The following ASAP1 variants were observed in gnomAD, a reference collection of about 807,000 sequenced individuals.
ASAP1 encodes the protein ArfGAP with SH3 domain, ankyrin repeat and PH domain 1.
ASAP1 carries 43 observed loss-of-function variants against 145.2 expected under a neutral mutation model. The ratio of observed to expected loss-of-function variants is 0.30; its 90% CI spans 0.23 to 0.38. The LOEUF (loss-of-function observed/expected upper bound fraction) is 0.38. Among genes scored for constraint, ASAP1 ranks in the 10% least tolerant of loss-of-function variants. ASAP1 has a pLI of 1.00. For synonymous variants in ASAP1, 546 were observed against 515.5 expected (o/e 1.06, Z -0.80); for missense variants, 1,018 against 1,355.3 (o/e 0.75, Z 3.91).
intron 3 of ASAP1, among the ~76,000 whole-genome samples, chr8:130,241,865 T>C (rs1277800156): frequency 6.6e-6 from 1 of 152,156 alleles, no homozygotes; most frequent in Admixed American, 6.6e-5. Context: ...ATTTTAGAAT[T>C]ACTTTCTAAA....
At chr8:130,088,759 C>G (rs1473227501) in intron 25 of ASAP1, among the ~76,000 whole-genome samples, 3 of 152,188 alleles carry the variant, frequency 2.0e-5, no homozygotes, top group Non-Finnish European at 4.4e-5. Flanking sequence ...AAATGCTAGG[C>G]TGAGAATAAT....
chr8:130,084,759 T>C lies in ASAP1; in HGVS notation c.2573-4788A>G, dbSNP rs373243909. 9 of 151,872 alleles carry C rather than the reference T, an allele frequency of 5.9e-5. No homozygotes were observed. The East Asian group carries it at 1.7e-3, about 29-fold the overall frequency. The allele number at this position is 151,872 out of a possible 1,614,324, so 9.4% of individuals were successfully genotyped here. On this transcript the variant is annotated intron_variant, in intron 25 of 29. Transcript: ENST00000518721. ...CAATGACAGTCCCACTTCCAATAAG[T>C]AGATATGTAATAAAACAAACAAACA... is the stretch of plus-strand genomic sequence containing the variant.
At chr8:130,059,566 T>A (rs547770063) in intron 28 of ASAP1, among the ~76,000 whole-genome samples, 39 of 152,180 alleles carry the variant, frequency 2.6e-4, no homozygotes, top group African/African-American at 9.4e-4. Flanking sequence ...AGCGATCCAC[T>A]CGCCTCTTCC....
intron 13 of ASAP1, among the ~76,000 whole-genome samples, chr8:130,142,220 C>T (rs756266190): frequency 2.0e-5 from 3 of 152,180 alleles, no homozygotes; most frequent in African/African-American, 7.2e-5. Context: ...TTCTCTTCTG[C>T]GGTCACTCTG....
chr8:130,091,877 GCA>G, intron 25 of ASAP1, 94 bp downstream of exon 25: 1 of 1,319,564 alleles, frequency 7.6e-7, no homozygotes, highest in Non-Finnish European at 1.0e-6. Context: ...GTGCATTTTG[GCA>G]CACTTTCTGA....
At chr8:130,064,478 C>T (rs1321058702) in intron 27 of ASAP1, among the ~76,000 whole-genome samples, 1 of 152,046 alleles carries the variant, frequency 6.6e-6, no homozygotes, top group Non-Finnish European at 1.5e-5. Context: ...AGCCGGAGTC[C>T]GTATTCCAGT....
intron 7 of ASAP1, among the ~76,000 whole-genome samples, chr8:130,181,259 T>C (rs1814337842): frequency 1.3e-5 from 2 of 152,248 alleles, no homozygotes; most frequent in South Asian, 2.1e-4. Flanking sequence ...AAACACTGTA[T>C]GGATTTTCAT....
rs1283761804 is a variant in ASAP1 at position 130,358,041 on chromosome 8, C to G, written c.162G>C (p.Arg54Ser). Residue 54 changes from arginine to serine, a missense_variant, in exon 3 of 30, where the codon AGG becomes AGC. Coordinates refer to ENST00000518721, the MANE Select transcript of ASAP1 (RefSeq NM_018482.4). The surrounding 1 kb of genome is among the most constrained non-coding windows in gnomAD (Gnocchi z 4.1). Reference protein sequence around the residue: ...SSFTTRLHNCRNTVTLLEEAL... With the variant: ...SSFTTRLHNCSNTVTLLEEAL... Reference sequence around the variant, plus strand: ...CCTCCTCCAGCAGCGTGACGGTGTTCCTGCAGTTGTGCAGCCGCGTGGTGA... The same window carrying G: ...CCTCCTCCAGCAGCGTGACGGTGTTGCTGCAGTTGTGCAGCCGCGTGGTGA... The G allele has an allele frequency of 6.2e-7, 1 of 1,609,816 alleles. No homozygotes were observed. The highest frequency in any genetic ancestry group is 1.3e-5 in the African/African-American group (1 of 74,742).
intron 3 of ASAP1, among the ~76,000 whole-genome samples, chr8:130,273,320 T>G (rs1351616360): frequency 1.3e-5 from 2 of 152,088 alleles, no homozygotes; most frequent in African/African-American, 4.8e-5. Flanking sequence ...GAGAAAAGCA[T>G]CAAAATCAAT....
chr8:130,056,252 G>C (rs1208718075), intron 29 of ASAP1, among the ~76,000 whole-genome samples: 1 of 152,220 alleles, frequency 6.6e-6, no homozygotes, highest in South Asian at 2.1e-4. Flanking sequence ...CACGTGGGGG[G>C]GCTTCAGAGC....
intron 25 of ASAP1, among the ~76,000 whole-genome samples, chr8:130,087,605 T>C (rs1057502004): frequency 6.6e-6 from 1 of 151,574 alleles, no homozygotes; most frequent in African/African-American, 2.4e-5. Flanking sequence ...GTCATGGGAG[T>C]GATGCCAGTG....
chr8:130,395,221 A>G (rs1828470846), intron 2 of ASAP1, among the ~76,000 whole-genome samples: 2 of 152,232 alleles, frequency 1.3e-5, no homozygotes, highest in Non-Finnish European at 2.9e-5. Flanking sequence ...AAGTGGAAAG[A>G]AAGGGAAGGC....
chr8:130,179,289 T>C lies in ASAP1; in HGVS notation c.721A>G (p.Ile241Val). The C allele has an allele frequency of 6.2e-7, 1 of 1,609,074 alleles. No homozygotes were observed. Among genetic ancestry groups the C allele is most frequent in the Non-Finnish European group, 8.5e-7 (1 of 1,175,412 alleles). Residue 241 changes from isoleucine to valine, a missense_variant, in exon 9 of 30, where the codon ATA becomes GTA. This residue lies in a region of ASAP1 where 78 missense variants were observed against 161.0 expected (regional missense o/e 0.48). Transcript: ENST00000518721. ...TTGCACTGTGCATGGTAATACTTTA[T>C]AAGATTCTGCAGCAGATCCACACCC... ...KKGVDLLQNL[I>V]KYYHAQCNFF...
chr8:130,152,688 G>A, intron 13 of ASAP1, 48 bp downstream of exon 13: 1 of 1,443,754 alleles, frequency 6.9e-7, no homozygotes, highest in Non-Finnish European at 9.6e-7. Context: ...ACATAATCGT[G>A]TTTGCTTTCT....
Position 130,234,891 on chromosome 8 carries a change from G to C in ASAP1, c.259+2031C>G, listed in dbSNP as rs938624276. ...ATCAGGCTGGTCAAATGTTGTATGT[G>C]GAATCACTGAATTAAAATAGAGAAG... is the stretch of plus-strand genomic sequence containing the variant. On this transcript the variant is annotated intron_variant, in intron 4 of 29. Transcript: ENST00000518721. 2.0e-5 allele frequency among the ~76,000 whole-genome samples: 3 copies of C among 152,162 alleles called. No individual in the cohort carries two copies. The South Asian group carries it at 6.2e-4, about 32-fold the overall frequency.
intron 3 of ASAP1, chr8:130,340,954 G>C (rs751545341): frequency 9.4e-5 from 39 of 417,074 alleles, no homozygotes; most frequent in South Asian, 6.6e-4. Context: ...GTTTTTTTTT[G>C]TTTTTGTTTT....
chr8:130,137,565 C>G (rs116535775), intron 13 of ASAP1, among the ~76,000 whole-genome samples: 1,761 of 152,164 alleles, frequency 0.012, 41 homozygotes, highest in African/African-American at 0.04. Context: ...TCAATCATCC[C>G]CAAATTGATC....
At chr8:130,265,612 C>T (rs1314696552) in intron 3 of ASAP1, among the ~76,000 whole-genome samples, 1 of 150,874 alleles carries the variant, frequency 6.6e-6, no homozygotes, top group Admixed American at 6.6e-5. Context: ...TGGCAGCTCA[C>T]ACTTGTAATC....
At chr8:130,295,944 C>A (rs537128566) in intron 3 of ASAP1, among the ~76,000 whole-genome samples, 1 of 152,212 alleles carries the variant, frequency 6.6e-6, no homozygotes, top group Non-Finnish European at 1.5e-5. Context: ...ATCTTTGCCT[C>A]TCAAAGCCCC....
Sources: gnomAD v4.1 joint callset for allele counts (sites outside exome capture counted in the v4.1 genomes callset) on GRCh38, gnomAD v4.1.1 for gene constraint, gnomAD v4.1.1 regional missense constraint, Gnocchi (gnomAD v3.1) non-coding constraint, MANE v1.5 for transcripts, NCBI Gene and HGNC (gene_info 2026-07-23, HGNC 2026-07-21) for gene names.